The following MRRF variants were observed in gnomAD, a reference collection of about 807,000 sequenced individuals.
MRRF encodes mitochondrial ribosome recycling factor, also known as ribosome-recycling factor, mitochondrial.
Under a neutral mutation model 25.1 loss-of-function variants are expected in MRRF, and 18 were observed. The ratio of observed to expected loss-of-function variants is 0.72; its 90% CI spans 0.50 to 1.06. The LOEUF (loss-of-function observed/expected upper bound fraction) is 1.06, where lower values mean the gene tolerates loss of function less well. MRRF is among the 50% of genes least tolerant of loss of function. The probability of loss-of-function intolerance (pLI) is 0.00; values close to 1 mark genes in which losing one functional copy is unlikely to be tolerated. For missense variants in MRRF, 323 were observed against 319.3 expected, an observed-to-expected ratio of 1.01 and a Z score of -0.09; for synonymous variants, 113 against 112.1, an observed-to-expected ratio of 1.01 and a Z score of -0.05.
intron 2 of MRRF, among the ~76,000 whole-genome samples, chr9:122,275,977 A>G (rs1832746486): frequency 6.6e-6 from 1 of 152,030 alleles, no homozygotes. Context: ...GCATGATCTC[A>G]GCTCACTGCA....
intron 3 of MRRF, among the ~76,000 whole-genome samples, chr9:122,283,639 G>C (rs1379521470): frequency 6.6e-6 from 1 of 152,192 alleles, no homozygotes; most frequent in East Asian, 1.9e-4. Flanking sequence ...TCTCAAATCA[G>C]ATCTTTGGGC....
rs1004455866 is a variant in MRRF at position 122,322,288 on chromosome 9, A to C, written c.712-252A>C. 2.6e-5 allele frequency among the ~76,000 whole-genome samples: 4 copies of C among 152,122 alleles called. No individual in the cohort carries two copies. The South Asian group carries it at 8.3e-4, about 32-fold the overall frequency. Reference sequence around the variant, plus strand: ...TGAGGCAGGAGAATGGCGTGAACACAGGAGGCGGAGCTTGCAGTGAGCCGA... The same window carrying C: ...TGAGGCAGGAGAATGGCGTGAACACCGGAGGCGGAGCTTGCAGTGAGCCGA... On this transcript the variant is annotated intron_variant, in intron 6 of 6. Coordinates refer to ENST00000344641, the MANE Select transcript of MRRF (RefSeq NM_138777.5).
chr9:122,290,328 C>T (rs1270014844), intron 4 of MRRF, among the ~76,000 whole-genome samples: 2 of 152,092 alleles, frequency 1.3e-5, no homozygotes, highest in Non-Finnish European at 2.9e-5. Context: ...AATGAAGAGA[C>T]TTGGTTATGT....
chr9:122,270,762 A>T, intron 1 of MRRF, 102 bp from the exon 2 acceptor site: 1 of 840,120 alleles, frequency 1.2e-6, no homozygotes, highest in Non-Finnish European at 2.1e-6. Flanking sequence ...TACTTAGCTC[A>T]GTTTATAGGA....
intron 5 of MRRF, among the ~76,000 whole-genome samples, chr9:122,299,326 G>T (rs562023658): frequency 6.6e-6 from 1 of 151,988 alleles, no homozygotes; most frequent in African/African-American, 2.4e-5. Flanking sequence ...TGTTGGCCAG[G>T]CTGGTCTCGA....
At position 122,294,159 on chromosome 9, in the gene MRRF, GTTC is replaced by G. The variant is rs529219514; in HGVS notation, c.551+2322_551+2324del. Among the ~76,000 whole-genome samples the G allele has an allele frequency of 8.5e-5, 13 of 152,314 alleles. No individual in the cohort carries two copies. The South Asian group carries it at 2.7e-3, about 32-fold the overall frequency. On this transcript the variant is annotated intron_variant, in intron 5 of 6. Coordinates refer to ENST00000344641, the MANE Select transcript of MRRF (RefSeq NM_138777.5). Reference sequence around the variant, plus strand: ...TCCTCACATGTCAGATGAAGGGGTTGTTCTTAGTGGCCTGCCAGGTCGTTTCTG... The same window carrying G: ...TCCTCACATGTCAGATGAAGGGGTTGTTAGTGGCCTGCCAGGTCGTTTCTG...
chr9:122,284,018 A>G (rs948381654), intron 3 of MRRF, among the ~76,000 whole-genome samples: 1 of 151,922 alleles, frequency 6.6e-6, no homozygotes, highest in Non-Finnish European at 1.5e-5. Context: ...TTAATGGGCT[A>G]GTTCTAAAGG....
At chr9:122,268,438 A>G (rs1457084312) in intron 1 of MRRF, among the ~76,000 whole-genome samples, 2 of 152,188 alleles carry the variant, frequency 1.3e-5, no homozygotes, top group East Asian at 1.9e-4. Context: ...CTACAGCCAT[A>G]TTTGGTTATA....
At chr9:122,287,154 G>A (rs977578505) in intron 4 of MRRF, among the ~76,000 whole-genome samples, 8 of 152,154 alleles carry the variant, frequency 5.3e-5, no homozygotes, top group African/African-American at 1.4e-4. Flanking sequence ...CTCCTATACA[G>A]CACAATTCTT....
At chr9:122,315,528 A>G (rs989292148) in intron 6 of MRRF, among the ~76,000 whole-genome samples, 13 of 152,228 alleles carry the variant, frequency 8.5e-5, no homozygotes, top group Non-Finnish European at 1.8e-4. Flanking sequence ...AGAAAGCACC[A>G]TTAGTGTACC....
intron 6 of MRRF, among the ~76,000 whole-genome samples, chr9:122,314,554 C>T (rs1835398240): frequency 6.6e-6 from 1 of 152,150 alleles, no homozygotes; most frequent in Non-Finnish European, 1.5e-5. Flanking sequence ...GTATCTGGGG[C>T]CCCATTTCCA....
chr9:122,314,401 C>T (rs376271078), intron 6 of MRRF, among the ~76,000 whole-genome samples: 1 of 152,208 alleles, frequency 6.6e-6, no homozygotes, highest in Non-Finnish European at 1.5e-5. Flanking sequence ...TTGGCCAAAG[C>T]AAGTCACATG....
intron 1 of MRRF, among the ~76,000 whole-genome samples, chr9:122,268,647 T>C (rs1371874878): frequency 1.3e-5 from 2 of 152,212 alleles, no homozygotes; most frequent in Non-Finnish European, 2.9e-5. Flanking sequence ...GTGGCATTAT[T>C]GAGAGAATTA....
chr9:122,317,472 A>G (rs1835604635), intron 6 of MRRF, among the ~76,000 whole-genome samples: 3 of 152,198 alleles, frequency 2.0e-5, no homozygotes, highest in South Asian at 2.1e-4. Context: ...ATTGATATAT[A>G]TAATAGTAGA....
At chr9:122,311,946 G>A (rs1588079065) in intron 5 of MRRF, among the ~76,000 whole-genome samples, 1 of 152,266 alleles carries the variant, frequency 6.6e-6, no homozygotes, top group Non-Finnish European at 1.5e-5. Context: ...ACCTAAACAT[G>A]TCAGCATGAT....
intron 6 of MRRF, among the ~76,000 whole-genome samples, chr9:122,316,166 A>G (rs1835503473): frequency 6.6e-6 from 1 of 152,100 alleles, no homozygotes; most frequent in Admixed American, 6.5e-5. Context: ...TATCTTTCTA[A>G]ACATATTATT....
chr9:122,302,092 C>T (rs747046033), intron 5 of MRRF, among the ~76,000 whole-genome samples: 61 of 152,144 alleles, frequency 4.0e-4, no homozygotes, highest in Non-Finnish European at 8.4e-4. Flanking sequence ...TCTCTACTGC[C>T]GTGAGGCGTG....
At chr9:122,322,220 G>A (rs957976227) in intron 6 of MRRF, among the ~76,000 whole-genome samples, 72 of 152,172 alleles carry the variant, frequency 4.7e-4, no homozygotes, top group African/African-American at 1.7e-3. Flanking sequence ...AAAATTAGCC[G>A]GGCGCGGTGG....
At chr9:122,286,151 C>T (rs1278110417) in intron 4 of MRRF, 1 of 1,275,704 alleles carries the variant, frequency 7.8e-7, no homozygotes, top group African/African-American at 1.5e-5. Context: ...TCCATTTCCT[C>T]ATCTGCTAAT....
Sources: gnomAD v4.1 joint callset for allele counts (sites outside exome capture counted in the v4.1 genomes callset) on GRCh38, gnomAD v4.1.1 for gene constraint, MANE v1.5 for transcripts, NCBI Gene and HGNC (gene_info 2026-07-23, HGNC 2026-07-21) for gene names.